Variants in TXNRD2 observed in about 807,000 individuals in gnomAD.
TXNRD2 encodes thioredoxin reductase 2, mitochondrial.
Under a neutral mutation model 70.8 loss-of-function variants are expected in TXNRD2, and 67 were observed. That is an observed-to-expected ratio of 0.95 (90% CI 0.78 to 1.16). The LOEUF (loss-of-function observed/expected upper bound fraction) is 1.16, where lower values mean the gene tolerates loss of function less well. Among genes scored for constraint, TXNRD2 ranks in the 50% most tolerant of loss-of-function variants. The pLI, the probability that TXNRD2 is intolerant of heterozygous loss-of-function variation, is 0.00. For missense variants in TXNRD2, 644 were observed against 719.9 expected (o/e 0.89, Z 1.21); for synonymous variants, 301 against 295.8 (o/e 1.02, Z -0.18).
At chr22:19,935,875 T>TCGGTCCAGCCA (rs1941520429) in intron 1 of TXNRD2, among the ~76,000 whole-genome samples, 5 of 151,680 alleles carry the variant, frequency 3.3e-5, no homozygotes, top group Admixed American at 2.6e-4. Context: ...TCCACAGAAA[T>TCGGTCCAGCCA]GCTTGTTTGG....
At chr22:19,885,187 A>G (rs1938969194) in intron 11 of TXNRD2, among the ~76,000 whole-genome samples, 1 of 152,174 alleles carries the variant, frequency 6.6e-6, no homozygotes, top group Non-Finnish European at 1.5e-5. Flanking sequence ...AGGCCAGCGG[A>G]TGGCCACAGC....
rs557569954 is a variant in TXNRD2, at chr22:19,937,602, C to A, written c.103+4099G>T. 2.0e-5 allele frequency among the ~76,000 whole-genome samples: 3 copies of A among 152,286 alleles called. No individual in the cohort carries two copies. In the East Asian group the frequency reaches 5.8e-4, roughly 29 times the overall value. ...TGGATCGGAGACCCACAGAGCTATT[C>A]TGTGGGCACCGGCCATGAAGCACGG... On this transcript the variant is annotated intron_variant, in intron 1 of 17. Coordinates refer to ENST00000400521, the MANE Select transcript of TXNRD2 (RefSeq NM_006440.5).
At chr22:19,893,171 C>T (rs1387691326) in intron 11 of TXNRD2, among the ~76,000 whole-genome samples, 1 of 152,220 alleles carries the variant, frequency 6.6e-6, no homozygotes, top group Non-Finnish European at 1.5e-5. Flanking sequence ...CCAGGAGACA[C>T]TGACCCCTGG....
chr22:19,935,397 T>C (rs999827366), intron 1 of TXNRD2, among the ~76,000 whole-genome samples: 5 of 152,130 alleles, frequency 3.3e-5, no homozygotes, highest in Non-Finnish European at 7.4e-5. Context: ...TTAAACCATG[T>C]TTTCCGTTGT....
intron 2 of TXNRD2, among the ~76,000 whole-genome samples, chr22:19,920,359 C>T (rs1940851015): frequency 6.6e-6 from 1 of 152,154 alleles, no homozygotes; most frequent in Non-Finnish European, 1.5e-5. Context: ...AGGTGTATCA[C>T]TTGTGGTCAG....
chr22:19,915,329 C>A (rs1940588004), intron 6 of TXNRD2, 53 bp from the exon 7 acceptor site: 1 of 1,573,378 alleles, frequency 6.4e-7, no homozygotes, highest in Non-Finnish European at 8.7e-7. Flanking sequence ...GTGATCACCC[C>A]ACCGGAGGGC....
At chr22:19,935,854 C>A (rs72547413) in intron 1 of TXNRD2, among the ~76,000 whole-genome samples, 1 of 152,344 alleles carries the variant, frequency 6.6e-6, no homozygotes, top group Middle Eastern at 3.4e-3. Flanking sequence ...GAGAAATGTT[C>A]ATCGGTCCAG....
intron 1 of TXNRD2, among the ~76,000 whole-genome samples, chr22:19,936,990 T>C (rs1375566635): frequency 1.3e-5 from 2 of 152,178 alleles, no homozygotes; most frequent in African/African-American, 4.8e-5. Flanking sequence ...TTTAAAAGAA[T>C]TCAAGGATGC....
intron 11 of TXNRD2, chr22:19,895,113 G>A (rs759334162): frequency 2.5e-6 from 4 of 1,598,286 alleles, no homozygotes; most frequent in South Asian, 2.2e-5. Context: ...CCTCGATGAG[G>A]ACACCTGGCT....
chr22:19,904,256 T>C (rs1428298650), intron 8 of TXNRD2, among the ~76,000 whole-genome samples: 1 of 152,212 alleles, frequency 6.6e-6, no homozygotes, highest in Non-Finnish European at 1.5e-5. Flanking sequence ...CTGCACGTCT[T>C]CCTCACCCTC....
chr22:19,909,960 T>TCA (rs759756078), intron 8 of TXNRD2, among the ~76,000 whole-genome samples: 3 of 100,132 alleles, frequency 3.0e-5, no homozygotes, highest in Non-Finnish European at 4.1e-5. Flanking sequence ...CACACACCAC[T>TCA]CACACACACA....
intron 2 of TXNRD2, among the ~76,000 whole-genome samples, chr22:19,928,509 T>C (rs1186761234): frequency 5.3e-5 from 8 of 152,138 alleles, no homozygotes; most frequent in Non-Finnish European, 1.2e-4. Context: ...TACGCAATTA[T>C]AGAAAATGCA....
chr22:19,905,795 C>T (rs1182865357), intron 8 of TXNRD2, among the ~76,000 whole-genome samples: 2 of 151,838 alleles, frequency 1.3e-5, no homozygotes, highest in Admixed American at 6.6e-5. Context: ...AACAGTGCCT[C>T]GAGATGGGCA....
chr22:19,880,031 A>G (rs1938690464), intron 14 of TXNRD2, 148 bp downstream of exon 14: 3 of 835,004 alleles, frequency 3.6e-6, no homozygotes, highest in Admixed American at 2.0e-5. Context: ...GCTGCCCCCA[A>G]CGTGTCCCTT....
chr22:19,940,087 C>CAA (rs557266432), intron 1 of TXNRD2, among the ~76,000 whole-genome samples: 1 of 151,208 alleles, frequency 6.6e-6, no homozygotes, highest in Non-Finnish European at 1.5e-5. Flanking sequence ...ACTAAAAATA[C>CAA]AAAAAAAATT....
At chr22:19,891,917 C>A (rs984499177) in intron 11 of TXNRD2, among the ~76,000 whole-genome samples, 3 of 152,276 alleles carry the variant, frequency 2.0e-5, no homozygotes, top group African/African-American at 7.2e-5. Flanking sequence ...GACTGCAGGG[C>A]CCACTTCGCA....
chr22:19,885,076 C>T (rs1460167702), intron 11 of TXNRD2, among the ~76,000 whole-genome samples: 1 of 152,196 alleles, frequency 6.6e-6, no homozygotes, highest in African/African-American at 2.4e-5. Flanking sequence ...AGTCTCCACA[C>T]AGCCTGGGGC....
chr22:19,909,874 T>TCACACACACAACCACACACACCCTACTGA (rs1295818653), intron 8 of TXNRD2, among the ~76,000 whole-genome samples: 1 of 40,586 alleles, frequency 2.5e-5, no homozygotes, highest in Non-Finnish European at 5.2e-5. Flanking sequence ...CACACACCAC[T>TCACACACACAACCACACACACCCTACTGA]CACACACACC....
At chr22:19,935,764 G>T (rs539824799) in intron 1 of TXNRD2, among the ~76,000 whole-genome samples, 1 of 152,070 alleles carries the variant, frequency 6.6e-6, no homozygotes, top group African/African-American at 2.4e-5. Flanking sequence ...TTAGGGGCAG[G>T]TTCCCCCAAT....
Sources: gnomAD v4.1 joint callset for allele counts (sites outside exome capture counted in the v4.1 genomes callset) on GRCh38, gnomAD v4.1.1 for gene constraint, MANE v1.5 for transcripts, NCBI Gene and HGNC (gene_info 2026-07-23, HGNC 2026-07-21) for gene names.